The following UMAD1 variants were observed in gnomAD, a reference collection of about 807,000 sequenced individuals.
UMAD1 encodes the protein UBAP1-MVB12-associated (UMA) domain containing 1.
In UMAD1, 8 loss-of-function variants were observed where a neutral mutation model predicts 6.1. That is an observed-to-expected ratio of 1.30 (90% CI 0.76 to 2.35). UMAD1 has a LOEUF of 2.35. Ranked by LOEUF, UMAD1 falls within the 30% of genes most tolerant of loss-of-function variation. UMAD1 has a pLI of 0.00. For synonymous variants in UMAD1, 56 were observed against 31.4 expected, an observed-to-expected ratio of 1.78 and a Z score of -2.61; for missense variants, 130 against 78.4, an observed-to-expected ratio of 1.66 and a Z score of -2.49.
At chr7:7,781,647 T>A (rs1045693024) in intron 2 of UMAD1, among the ~76,000 whole-genome samples, 2 of 152,102 alleles carry the variant, frequency 1.3e-5, no homozygotes, top group African/African-American at 2.4e-5. Flanking sequence ...TTTTATATTT[T>A]GTGACTACTG....
chr7:7,831,908 T>C (rs921186793), intron 3 of UMAD1, among the ~76,000 whole-genome samples: 1 of 152,210 alleles, frequency 6.6e-6, no homozygotes, highest in Admixed American at 6.5e-5. Context: ...TCTTTCTTTG[T>C]GGCCAGATGT....
At chr7:7,686,572 G>A (rs1780046021) in intron 2 of UMAD1, among the ~76,000 whole-genome samples, 1 of 152,106 alleles carries the variant, frequency 6.6e-6, no homozygotes, top group Non-Finnish European at 1.5e-5. Flanking sequence ...ATACTCATAC[G>A]AGGTTGACAG....
At chr7:7,733,483 T>C (rs1451274581) in intron 2 of UMAD1, among the ~76,000 whole-genome samples, 1 of 151,308 alleles carries the variant, frequency 6.6e-6, no homozygotes, top group Non-Finnish European at 1.5e-5. Context: ...ATAATTGTGG[T>C]CCCTTGTTAG....
chr7:7,661,793 C>A (rs1473210264), intron 1 of UMAD1, among the ~76,000 whole-genome samples: 1 of 152,154 alleles, frequency 6.6e-6, no homozygotes, highest in Non-Finnish European at 1.5e-5. Context: ...GTCAGGGACC[C>A]ACTTGAGGAG....
At chr7:7,823,448 C>T (rs1172609547) in intron 3 of UMAD1, among the ~76,000 whole-genome samples, 2 of 152,176 alleles carry the variant, frequency 1.3e-5, no homozygotes, top group African/African-American at 4.8e-5. Flanking sequence ...CATAACTCAG[C>T]CCTCTTATTA....
chr7:7,659,281 G>A (rs964525179), intron 1 of UMAD1, among the ~76,000 whole-genome samples: 3 of 151,994 alleles, frequency 2.0e-5, no homozygotes, highest in African/African-American at 7.3e-5. Flanking sequence ...ATTTTTCGAA[G>A]GGTTTTTCAT....
chr7:7,717,407 T>G (rs1780943377), intron 2 of UMAD1, among the ~76,000 whole-genome samples: 1 of 152,212 alleles, frequency 6.6e-6, no homozygotes, highest in African/African-American at 2.4e-5. Context: ...ACTCCTTGTG[T>G]GTCCTCGTCC....
chr7:7,852,654 T>C (rs1222068839), intron 3 of UMAD1, among the ~76,000 whole-genome samples: 1 of 152,176 alleles, frequency 6.6e-6, no homozygotes. Context: ...GGAAGGGTCA[T>C]GAGCACAGGA....
chr7:7,843,278 A>G (rs1583866383), intron 3 of UMAD1, among the ~76,000 whole-genome samples: 1 of 152,322 alleles, frequency 6.6e-6, no homozygotes, highest in Admixed American at 6.5e-5. Context: ...CTATTCTGAG[A>G]TTCACTGCGA....
chr7:7,751,338 A>G (rs900192513), intron 2 of UMAD1, among the ~76,000 whole-genome samples: 3 of 152,206 alleles, frequency 2.0e-5, no homozygotes, highest in African/African-American at 7.2e-5. Flanking sequence ...AGTTTCAAGA[A>G]TTGTAGAGAG....
At chr7:7,685,434 C>G in intron 2 of UMAD1, among the ~76,000 whole-genome samples, 1 of 151,758 alleles carries the variant, frequency 6.6e-6, no homozygotes, top group East Asian at 1.9e-4. Context: ...CTCAGCCTTC[C>G]GAGTAGCTGG....
chr7:7,747,647 C>G (rs1298913731), intron 2 of UMAD1, among the ~76,000 whole-genome samples: 1 of 152,152 alleles, frequency 6.6e-6, no homozygotes, highest in Non-Finnish European at 1.5e-5. Flanking sequence ...TAACTCAAAA[C>G]AGAACAAACA....
chr7:7,644,958 T>C (rs2115544538), intron 1 of UMAD1, among the ~76,000 whole-genome samples: 1 of 152,362 alleles, frequency 6.6e-6, no homozygotes, highest in Admixed American at 6.5e-5. Flanking sequence ...ATTTTGGTCC[T>C]CTTAAAATCT....
In UMAD1 at chr7:7,718,645, T is replaced by G. The variant is rs542029676; in HGVS notation, c.82+45192T>G. 13 of 152,354 alleles carry G rather than the reference T, an allele frequency of 8.5e-5. 1 individual carries two copies. Among genetic ancestry groups the G allele is most frequent in the African/African-American group, 3.1e-4 (13 of 41,578 alleles). 9.4% of individuals were successfully genotyped at this position (152,354 alleles called of 1,614,324 possible). A position where few individuals can be genotyped will look rare whatever the true frequency, so the allele number is the denominator to read the frequency against. ...TGATGCTAGGATTTTATTTTTTCTT[T>G]TATTTTAAAGTTCTTCTGATTACAT... On this transcript the variant is annotated intron_variant, in intron 2 of 3. Transcript: ENST00000682710.
intron 2 of UMAD1, among the ~76,000 whole-genome samples, chr7:7,725,324 G>A (rs1781120188): frequency 6.6e-6 from 1 of 152,142 alleles, no homozygotes; most frequent in African/African-American, 2.4e-5. Context: ...CTCTGCAACA[G>A]GTCCAGGCTG....
At chr7:7,823,172 A>G (rs747559858) in intron 3 of UMAD1, among the ~76,000 whole-genome samples, 1 of 152,098 alleles carries the variant, frequency 6.6e-6, no homozygotes, top group African/African-American at 2.4e-5. Context: ...GTGCTTCATA[A>G]TCCCCTAATA....
chr7:7,700,282 C>T (rs1368230398), intron 2 of UMAD1, among the ~76,000 whole-genome samples: 1 of 152,134 alleles, frequency 6.6e-6, no homozygotes, highest in Non-Finnish European at 1.5e-5. Flanking sequence ...TATTTTATTC[C>T]ATTCATGTGT....
At chr7:7,780,209 C>A (rs774966652) in intron 2 of UMAD1, among the ~76,000 whole-genome samples, 2 of 152,168 alleles carry the variant, frequency 1.3e-5, no homozygotes, top group East Asian at 3.9e-4. Context: ...CCTCTAACCA[C>A]CCCCATCTCT....
At chr7:7,773,932 A>T (rs1346241198) in intron 2 of UMAD1, among the ~76,000 whole-genome samples, 1 of 152,174 alleles carries the variant, frequency 6.6e-6, no homozygotes, top group Admixed American at 6.5e-5. Flanking sequence ...TTTAGAGAAG[A>T]ACCCTGGCTG....
Sources: allele counts gnomAD v4.1 joint callset (sites outside exome capture counted in the v4.1 genomes callset), GRCh38; gene constraint gnomAD v4.1.1; transcripts MANE v1.5; gene names NCBI Gene and HGNC (gene_info 2026-07-23, HGNC 2026-07-21).